The following UGDH variants were observed in gnomAD, a reference collection of about 807,000 sequenced individuals.
UGDH encodes UDP-Glc dehydrogenase.
In UGDH, 38 loss-of-function variants were observed where a neutral mutation model predicts 50.6. That is an observed-to-expected ratio of 0.75 (90% CI 0.58 to 0.98). UGDH has a LOEUF of 0.98. Ranked by LOEUF, UGDH falls within the 50% of genes least tolerant of loss-of-function variation. The pLI, the probability that UGDH is intolerant of heterozygous loss-of-function variation, is 0.00. For synonymous variants in UGDH, 168 were observed against 199.9 expected, an observed-to-expected ratio of 0.84 and a Z score of 1.35; for missense variants, 465 against 606.2, an observed-to-expected ratio of 0.77 and a Z score of 2.45.
At chr4:39,501,481 G>A (rs1475958722) in intron 11 of UGDH, among the ~76,000 whole-genome samples, 1 of 151,358 alleles carries the variant, frequency 6.6e-6, no homozygotes, top group Non-Finnish European at 1.5e-5. Context: ...CACCGTGTTA[G>A]CCAGGATGGT....
At chr4:39,509,965 T>A in intron 5 of UGDH, 58 bp from the exon 6 acceptor site, 1 of 1,527,642 alleles carries the variant, frequency 6.5e-7, no homozygotes, top group Non-Finnish European at 8.7e-7. Context: ...ATTTTATACA[T>A]CTAGTTTATA....
intron 2 of UGDH, 33 bp from the exon 3 acceptor site, chr4:39,514,217 T>C (rs1460276374): frequency 2.0e-6 from 3 of 1,493,718 alleles, no homozygotes; most frequent in Middle Eastern, 1.8e-4. Context: ...ATTGTACATA[T>C]AGCTTGCCAG....
chr4:39,525,202 T>G (rs545042962), intron 1 of UGDH, among the ~76,000 whole-genome samples: 1 of 152,322 alleles, frequency 6.6e-6, no homozygotes. Context: ...TTTCTATTTC[T>G]TTTTTCTTTT....
In UGDH at chr4:39,521,483, G is replaced by A. The variant is rs11544854; in HGVS notation, c.30C>T (p.Ile10=). The A allele has an allele frequency of 6.2e-6, 10 of 1,604,072 alleles. No homozygotes were observed. In the East Asian group the frequency reaches 6.7e-5, roughly 11 times the overall value. MFEIKKICC[I]GAGYVGGPTC... is the part of the protein sequence containing the mutation. ...TGGGTCCTCCAACATAGCCTGCACC[G>A]ATGCAACAGATCTTCTTAATTTCAA... is the stretch of plus-strand genomic sequence containing the variant. The change falls in exon 2 of 12, where the codon ATC becomes ATT. Residue 10 remains isoleucine, a synonymous_variant. Transcript: ENST00000316423.
At chr4:39,521,027 G>A (rs953092443) in intron 2 of UGDH, among the ~76,000 whole-genome samples, 11 of 145,380 alleles carry the variant, frequency 7.6e-5, no homozygotes, top group African/African-American at 1.0e-4. Context: ...CTGAGCTCGC[G>A]TCATTGCACT....
Position 39,523,525 on chromosome 4 carries a change from C to G in UGDH, c.-7-2006G>C, listed in dbSNP as rs540431325. ...AATTTTTAAAAATTATTTATTCTGG[C>G]CAGGCACGGTGGCTCATGCCTGTAA... On this transcript the variant is annotated intron_variant, in intron 1 of 11. Coordinates refer to ENST00000316423, the MANE Select transcript of UGDH (RefSeq NM_003359.4). 2.2e-3 allele frequency among the ~76,000 whole-genome samples: 334 copies of G among 152,162 alleles called. 1 individual carries two copies. Among genetic ancestry groups the G allele is most frequent in the Non-Finnish European group, 4.1e-3 (276 of 67,986 alleles).
intron 2 of UGDH, among the ~76,000 whole-genome samples, chr4:39,516,034 G>A (rs1746430036): frequency 1.3e-5 from 2 of 152,116 alleles, no homozygotes; most frequent in South Asian, 4.1e-4. Flanking sequence ...TAAACAAACT[G>A]GTTTCTTCAA....
At chr4:39,502,282 T>A (rs1442911929) in intron 11 of UGDH, among the ~76,000 whole-genome samples, 1 of 152,214 alleles carries the variant, frequency 6.6e-6, no homozygotes, top group Non-Finnish European at 1.5e-5. Flanking sequence ...CCCCAAGGTC[T>A]TGGATGGAAG....
intron 6 of UGDH, among the ~76,000 whole-genome samples, chr4:39,509,021 C>T (rs958570376): frequency 1.3e-5 from 2 of 149,758 alleles, no homozygotes; most frequent in African/African-American, 2.5e-5. Flanking sequence ...GTCGCCCAGG[C>T]TGAAGTGTAG....
In UGDH at chr4:39,514,150, C is replaced by T; in HGVS notation, c.197G>A (p.Gly66Glu). The stretch of plus-strand genomic sequence containing the variant: ...ATTGGTAGAAAAAAAAAGATTTTTT[C>T]CTCGACAGGATTCTACCACTTCTTT... ...GLKEVVESCR[G>E]KNLFFSTNID... Residue 66 changes from glycine to glutamate, a missense_variant, in exon 3 of 12, where the codon GGA (glycine) becomes GAA (glutamate). Physicochemically the swap from Gly to Glu is moderately conservative, Grantham distance 98 (BLOSUM62 -2). Transcript: ENST00000316423. The T allele has an allele frequency of 6.3e-7, 1 of 1,583,232 alleles. No individual in the cohort carries two copies. Among genetic ancestry groups the T allele is most frequent in the Non-Finnish European group, 8.5e-7 (1 of 1,172,730 alleles).
intron 11 of UGDH, 23 bp downstream of exon 11, chr4:39,503,852 A>C (rs1745921655): frequency 6.2e-7 from 1 of 1,605,628 alleles, no homozygotes; most frequent in Non-Finnish European, 8.5e-7. Flanking sequence ...AAAAGAAAAA[A>C]AACAATCCAG....
chr4:39,516,213 G>A (rs140582718), intron 2 of UGDH, among the ~76,000 whole-genome samples: 132 of 152,290 alleles, frequency 8.7e-4, no homozygotes, highest in African/African-American at 3.2e-3. Flanking sequence ...GAGCCCAGGA[G>A]GCGGAGGTTG....
At chr4:39,515,856 T>C (rs1156931522) in intron 2 of UGDH, among the ~76,000 whole-genome samples, 1 of 152,064 alleles carries the variant, frequency 6.6e-6, no homozygotes, top group African/African-American at 2.4e-5. Context: ...CACACCACCA[T>C]ACCTGGCTAA....
intron 7 of UGDH, among the ~76,000 whole-genome samples, chr4:39,507,656 G>C (rs777862707): frequency 2.0e-5 from 3 of 152,104 alleles, no homozygotes; most frequent in Non-Finnish European, 4.4e-5. Context: ...TTTCAAGATA[G>C]AGAAGAATTA....
chr4:39,512,938 C>CA (rs1746297644), intron 3 of UGDH, among the ~76,000 whole-genome samples: 1 of 151,738 alleles, frequency 6.6e-6, no homozygotes, highest in African/African-American at 2.4e-5. Flanking sequence ...CCTCCCACCT[C>CA]AGTCTCCCAA....
At chr4:39,519,062 G>A (rs930953264) in intron 2 of UGDH, among the ~76,000 whole-genome samples, 1 of 151,972 alleles carries the variant, frequency 6.6e-6, no homozygotes, top group Admixed American at 6.5e-5. Flanking sequence ...GATTACAGGC[G>A]TGAGCCACCA....
chr4:39,513,631 G>C (rs1315228456), intron 3 of UGDH, among the ~76,000 whole-genome samples: 4 of 145,528 alleles, frequency 2.7e-5, no homozygotes, highest in Non-Finnish European at 5.9e-5. Context: ...CTGCCTCCTT[G>C]GTTCAAGCGA....
At chr4:39,509,612 C>A in intron 6 of UGDH, 148 bp downstream of exon 6, 1 of 930,170 alleles carries the variant, frequency 1.1e-6, no homozygotes, top group Non-Finnish European at 1.5e-6. Context: ...TTCCCTGAGT[C>A]TGAATCATCT....
intron 2 of UGDH, among the ~76,000 whole-genome samples, chr4:39,520,103 C>T (rs972073274): frequency 2.6e-5 from 4 of 152,068 alleles, no homozygotes; most frequent in Non-Finnish European, 5.9e-5. Context: ...CTTTGGGAGG[C>T]CGAGGAGGGG....
Sources: allele counts gnomAD v4.1 joint callset (sites outside exome capture counted in the v4.1 genomes callset), GRCh38; gene constraint gnomAD v4.1.1; transcripts MANE v1.5; gene names NCBI Gene and HGNC (gene_info 2026-07-23, HGNC 2026-07-21).